The following CDK13 variants were observed in gnomAD, a reference collection of about 807,000 sequenced individuals.
CDK13 encodes the protein cyclin dependent kinase 13.
Under a neutral mutation model 137.6 loss-of-function variants are expected in CDK13, and 40 were observed. That is an observed-to-expected ratio of 0.29 (90% CI 0.23 to 0.38). The LOEUF (loss-of-function observed/expected upper bound fraction) is 0.38. Ranked by LOEUF, CDK13 falls within the 10% of genes least tolerant of loss-of-function variation. The probability of loss-of-function intolerance (pLI) is 1.00; values close to 1 mark genes in which losing one functional copy is unlikely to be tolerated. For synonymous variants in CDK13, 869 were observed against 760.1 expected (o/e 1.14, Z -2.36); for missense variants, 1,704 against 1,951.8 (o/e 0.87, Z 2.39).
At chr7:39,999,254 G>A in intron 3 of CDK13, 107 bp from the exon 4 acceptor site, 1 of 871,072 alleles carries the variant, frequency 1.1e-6, no homozygotes, top group Admixed American at 2.8e-5. Flanking sequence ...GCAAGGGTAG[G>A]GAAAAATAAA....
At chr7:39,975,946 C>G (rs1023278823) in intron 1 of CDK13, among the ~76,000 whole-genome samples, 1 of 152,164 alleles carries the variant, frequency 6.6e-6, no homozygotes, top group African/African-American at 2.4e-5. Flanking sequence ...CAACCTGTAA[C>G]AAGTACTGTG....
At chr7:40,073,684 C>G (rs1231621117) in intron 9 of CDK13, 1 of 151,674 alleles carries the variant, frequency 6.6e-6, no homozygotes, top group Non-Finnish European at 1.5e-5. Context: ...CTCTGCCTCC[C>G]AGGTTCAAGT....
chr7:39,952,335 T>G (rs1026454022), intron 1 of CDK13: 2 of 152,926 alleles, frequency 1.3e-5, no homozygotes, highest in Non-Finnish European at 1.5e-5. Flanking sequence ...GGATTGCAGA[T>G]GTTTCTTATG....
intron 9 of CDK13, 93 bp downstream of exon 9, chr7:40,063,193 G>T (rs1786194216): frequency 2.2e-6 from 2 of 918,682 alleles, no homozygotes; most frequent in Middle Eastern, 6.3e-4. Context: ...TTCAGGAAGA[G>T]AACAACATGG....
chr7:39,999,178 A>G (rs775123640), intron 3 of CDK13, 183 bp from the exon 4 acceptor site: 12 of 436,260 alleles, frequency 2.8e-5, no homozygotes, highest in South Asian at 6.1e-5. Flanking sequence ...ATGATACCTC[A>G]GTTTTTACGA....
At chr7:40,010,222 C>A (rs997525105) in intron 5 of CDK13, among the ~76,000 whole-genome samples, 2 of 152,026 alleles carry the variant, frequency 1.3e-5, no homozygotes, top group African/African-American at 4.8e-5. Context: ...CAATGGGAGA[C>A]AGTGACAGAT....
chr7:40,056,109 T>G (rs1249197610), intron 7 of CDK13, among the ~76,000 whole-genome samples: 1 of 152,194 alleles, frequency 6.6e-6, no homozygotes, highest in Non-Finnish European at 1.5e-5. Flanking sequence ...TACCTGAAAT[T>G]GTCCTTATTC....
At chr7:39,992,163 G>GGGGTGTGTGTGTGTGTGTGTGT (rs550297232) in intron 2 of CDK13, among the ~76,000 whole-genome samples, 2 of 146,310 alleles carry the variant, frequency 1.4e-5, no homozygotes, top group Non-Finnish European at 3.0e-5. Context: ...AACTAATGAG[G>GGGGTGTGTGTGTGTGTGTGTGT]GTGTGTGTGT....
At chr7:40,053,802 TAACTA>T (rs1785949038) in intron 7 of CDK13, among the ~76,000 whole-genome samples, 1 of 151,928 alleles carries the variant, frequency 6.6e-6, no homozygotes, top group Admixed American at 6.6e-5. Context: ...AGAACAAACT[TAACTA>T]ACGTTTGTGT....
chr7:40,023,459 C>G (rs1050196200), intron 5 of CDK13, among the ~76,000 whole-genome samples: 4 of 150,860 alleles, frequency 2.7e-5, no homozygotes, highest in Non-Finnish European at 5.9e-5. Flanking sequence ...GATATTTTGT[C>G]TTCTGGTGTC....
intron 12 of CDK13, among the ~76,000 whole-genome samples, chr7:40,088,554 G>C (rs760339641): frequency 1.3e-5 from 2 of 152,174 alleles, no homozygotes; most frequent in African/African-American, 4.8e-5. Flanking sequence ...TTACCTGACT[G>C]GCAAGTCCTC....
At chr7:39,999,609 T>C (rs902535332) in intron 4 of CDK13, 109 bp downstream of exon 4, 15 of 1,086,790 alleles carry the variant, frequency 1.4e-5, no homozygotes, top group Non-Finnish European at 1.9e-5. Flanking sequence ...AATTCAATTT[T>C]ATTGTGCTTT....
chr7:40,069,202 T>C (rs546246206), intron 9 of CDK13: 1 of 399,340 alleles, frequency 2.5e-6, no homozygotes, highest in African/African-American at 2.1e-5. Context: ...ACCACTGCCC[T>C]TTAGTCTGGG....
intron 5 of CDK13, among the ~76,000 whole-genome samples, chr7:40,020,810 G>A (rs1785100498): frequency 6.6e-6 from 1 of 152,168 alleles, no homozygotes; most frequent in Non-Finnish European, 1.5e-5. Context: ...TTAAAAAGTA[G>A]GGGTGGGCAC....
intron 1 of CDK13, among the ~76,000 whole-genome samples, chr7:39,975,292 T>C (rs1385300296): frequency 6.6e-6 from 1 of 152,040 alleles, no homozygotes; most frequent in East Asian, 1.9e-4. Context: ...TGTGCACTTG[T>C]CCCATCTACT....
chr7:40,004,208 G>A (rs563735131), intron 5 of CDK13, among the ~76,000 whole-genome samples: 8 of 151,836 alleles, frequency 5.3e-5, no homozygotes, highest in Admixed American at 5.3e-4. Context: ...TATAATTATG[G>A]TCATAATTTA....
chr7:39,962,359 T>C (rs1783765823), intron 1 of CDK13, among the ~76,000 whole-genome samples: 1 of 152,226 alleles, frequency 6.6e-6, no homozygotes, highest in Non-Finnish European at 1.5e-5. Flanking sequence ...CTCATTGAGG[T>C]TTTGATTTGC....
chr7:40,030,295 A>G (rs1785347903), intron 5 of CDK13, among the ~76,000 whole-genome samples: 1 of 151,376 alleles, frequency 6.6e-6, no homozygotes, highest in Non-Finnish European at 1.5e-5. Context: ...AGAGAGAGAA[A>G]GTCATTCAGT....
At chr7:39,987,520 C>A in intron 1 of CDK13, 79 bp from the exon 2 acceptor site, 1 of 1,110,564 alleles carries the variant, frequency 9.0e-7, no homozygotes, top group Non-Finnish European at 1.3e-6. Context: ...ATTTCATAAA[C>A]TTGAATTAGC....
Sources: allele counts gnomAD v4.1 joint callset (sites outside exome capture counted in the v4.1 genomes callset), GRCh38; gene constraint gnomAD v4.1.1; transcripts MANE v1.5; gene names NCBI Gene and HGNC (gene_info 2026-07-23, HGNC 2026-07-21).